TMEM132D: variants seen among roughly 807,000 people sequenced by gnomAD.
TMEM132D encodes the protein mature OL transmembrane protein.
Under a neutral mutation model 62.3 loss-of-function variants are expected in TMEM132D, and 21 were observed. That is an observed-to-expected ratio of 0.34 (90% CI 0.24 to 0.49). The LOEUF (loss-of-function observed/expected upper bound fraction) is 0.49, where lower values mean the gene tolerates loss of function less well. Among genes scored for constraint, TMEM132D ranks in the 20% least tolerant of loss-of-function variants. The pLI is 0.99. For missense variants in TMEM132D, 1,346 were observed against 1,402.8 expected, an observed-to-expected ratio of 0.96 and a Z score of 0.65; for synonymous variants, 621 against 575.6, an observed-to-expected ratio of 1.08 and a Z score of -1.13.
chr12:129,183,480 C>G (rs748539759), intron 5 of TMEM132D, among the ~76,000 whole-genome samples: 2 of 152,236 alleles, frequency 1.3e-5, no homozygotes, highest in Non-Finnish European at 2.9e-5. Flanking sequence ...AGGCGTATTT[C>G]CTTCTTCACG....
chr12:129,592,790 T>C (rs1243341251), intron 2 of TMEM132D, among the ~76,000 whole-genome samples: 2 of 152,222 alleles, frequency 1.3e-5, no homozygotes, highest in African/African-American at 2.4e-5. Context: ...TATAGGTCTA[T>C]GTGTGCAAAA....
intron 3 of TMEM132D, among the ~76,000 whole-genome samples, chr12:129,411,817 AT>A (rs1168016820): frequency 3.3e-5 from 5 of 152,070 alleles, no homozygotes; most frequent in Non-Finnish European, 5.9e-5. Context: ...TTCCACAAAT[AT>A]TTCGAGATCA....
At chr12:129,581,144 G>C (rs1388268062) in intron 2 of TMEM132D, among the ~76,000 whole-genome samples, 1 of 152,148 alleles carries the variant, frequency 6.6e-6, no homozygotes, top group Admixed American at 6.5e-5. Flanking sequence ...TCTAGAGATG[G>C]TTTCTTAGCA....
chr12:129,337,832 C>G lies in TMEM132D; in HGVS notation c.1116-15G>C, dbSNP rs2135658497. 6.3e-7 allele frequency: 1 copy of G among 1,585,600 alleles called. No individual in the cohort carries two copies. The highest frequency in any genetic ancestry group is 8.6e-7 in the Non-Finnish European group (1 of 1,164,140). On this transcript the variant is annotated splice_polypyrimidine_tract_variant and intron_variant, in intron 3 of 8. Coordinates refer to ENST00000422113, the MANE Select transcript of TMEM132D (RefSeq NM_133448.3). ...CGCCATCCGCACTGGAGAGAAGACACAGAGGAGAACAGCTTTCAGGGACTG... is the reference window on the plus strand; with the variant it reads ...CGCCATCCGCACTGGAGAGAAGACAGAGAGGAGAACAGCTTTCAGGGACTG...
At chr12:129,482,339 T>G (rs1227703057) in intron 3 of TMEM132D, among the ~76,000 whole-genome samples, 1 of 152,238 alleles carries the variant, frequency 6.6e-6, no homozygotes, top group Non-Finnish European at 1.5e-5. Flanking sequence ...ATTACAGTGA[T>G]AGAAATCTTT....
chr12:129,682,412 C>T (rs1880799747), intron 2 of TMEM132D, among the ~76,000 whole-genome samples: 1 of 152,102 alleles, frequency 6.6e-6, no homozygotes, highest in Non-Finnish European at 1.5e-5. Flanking sequence ...CGACAGGTGC[C>T]CAGAGCTGCA....
At position 129,903,028 on chromosome 12, in the gene TMEM132D, A is replaced by G. The variant is rs1023502019; in HGVS notation, c.79+233T>C. 6.6e-6 allele frequency among the ~76,000 whole-genome samples: 1 copy of G among 152,138 alleles called. No homozygotes were observed. The highest frequency in any genetic ancestry group is 1.5e-5 in the Non-Finnish European group (1 of 68,014). ...TTTCGGCTCCTTAGTAGTCTCACCT[A>G]AGGCCTCCCACCCAAGTGCTCCAGG... On this transcript the variant is annotated intron_variant, in intron 1 of 8. Transcript: ENST00000422113. The surrounding 1 kb of genome is among the most constrained non-coding windows in gnomAD (Gnocchi z 6.2).
intron 5 of TMEM132D, chr12:129,169,967 A>G (rs1220630741): frequency 6.6e-6 from 1 of 152,208 alleles, no homozygotes; most frequent in African/African-American, 2.4e-5. Flanking sequence ...CAAATGTTCT[A>G]TTTCAACAAG....
intron 4 of TMEM132D, among the ~76,000 whole-genome samples, chr12:129,302,465 A>AT (rs1307285555): frequency 6.6e-6 from 1 of 152,216 alleles, no homozygotes; most frequent in Admixed American, 6.5e-5. Context: ...AGGGCTCTCC[A>AT]TTAGGCAGCC....
At chr12:129,262,091 A>C (rs1880564207) in intron 4 of TMEM132D, among the ~76,000 whole-genome samples, 1 of 152,082 alleles carries the variant, frequency 6.6e-6, no homozygotes, top group Admixed American at 6.6e-5. Flanking sequence ...GAAAATTTGC[A>C]TCCAGAGCCT....
intron 5 of TMEM132D, among the ~76,000 whole-genome samples, chr12:129,115,020 T>C (rs1050519096): frequency 6.6e-6 from 1 of 152,190 alleles, no homozygotes; most frequent in African/African-American, 2.4e-5. Flanking sequence ...CACTTAGGTA[T>C]TTCTGTAGAG....
chr12:129,729,531 C>A lies in TMEM132D; in HGVS notation c.80-28833G>T, dbSNP rs5027413. On this transcript the variant is annotated intron_variant, in intron 1 of 8. Transcript: ENST00000422113. ...CCCTGGTCTAGTCATACTGGAATAC[C>A]TTTTTTTCTTTCTTGCCAAAGATTG... Among the ~76,000 whole-genome samples the A allele has an allele frequency of 3.3e-3, 500 of 152,084 alleles. 3 individuals carry two copies. The highest frequency in any genetic ancestry group is 0.012 in the African/African-American group (484 of 41,478).
rs1366775112 is a variant in TMEM132D, at chr12:129,903,462, G to A, written c.-123C>T. 6.8e-6 allele frequency: 7 copies of A among 1,029,064 alleles called. No individual in the cohort carries two copies. Among genetic ancestry groups the A allele is most frequent in the East Asian group, 2.6e-5 (1 of 38,110 alleles). The allele number at this position is 1,029,064 out of a possible 1,614,324, so 63.7% of individuals were successfully genotyped here. Reference sequence around the variant, plus strand: ...CGAGGGAGCGCCCGGCTAGGGGCCCGAGCAGCCCGGGCGCCCTGCTCCCTC... The same window carrying A: ...CGAGGGAGCGCCCGGCTAGGGGCCCAAGCAGCCCGGGCGCCCTGCTCCCTC... On this transcript the variant is annotated 5_prime_UTR_variant, in exon 1 of 9. Coordinates refer to ENST00000422113, the MANE Select transcript of TMEM132D (RefSeq NM_133448.3). The surrounding 1 kb of genome is among the most constrained non-coding windows in gnomAD (Gnocchi z 6.2).
chr12:129,284,103 T>C (rs1341813743), intron 4 of TMEM132D, among the ~76,000 whole-genome samples: 1 of 151,656 alleles, frequency 6.6e-6, no homozygotes, highest in Non-Finnish European at 1.5e-5. Flanking sequence ...AGCAGCTGGA[T>C]GTGCATATGA....
chr12:129,863,511 G>A (rs1566012362), intron 1 of TMEM132D, among the ~76,000 whole-genome samples: 1 of 152,080 alleles, frequency 6.6e-6, no homozygotes, highest in African/African-American at 2.4e-5. Context: ...ACCTTATAAT[G>A]ATGCTTTTTA....
intron 4 of TMEM132D, among the ~76,000 whole-genome samples, chr12:129,269,212 T>C (rs1288296840): frequency 6.6e-6 from 1 of 152,200 alleles, no homozygotes; most frequent in Admixed American, 6.5e-5. Context: ...CTGATCTCTG[T>C]GTCACTGTTT....
In TMEM132D at chr12:129,553,358, G is replaced by A. The variant is rs554298070; in HGVS notation, c.969-22153C>T. Among the ~76,000 whole-genome samples the A allele has an allele frequency of 1.1e-4, 16 of 152,190 alleles. No homozygotes were observed. In the South Asian group the frequency reaches 2.1e-3, roughly 20 times the overall value. On this transcript the variant is annotated intron_variant, in intron 2 of 8. Transcript: ENST00000422113. The stretch of plus-strand genomic sequence containing the variant: ...TGCCCCCTCACTCTCTGCTCTGTGC[G>A]TGTCTGTGCACTGACAGGTCCATGG...
intron 3 of TMEM132D, among the ~76,000 whole-genome samples, chr12:129,411,343 A>G (rs935177285): frequency 6.6e-6 from 1 of 152,028 alleles, no homozygotes; most frequent in African/African-American, 2.4e-5. Context: ...TTAGTTAGTT[A>G]TCGGTTTAGC....
intron 5 of TMEM132D, among the ~76,000 whole-genome samples, chr12:129,169,730 G>C (rs1226657554): frequency 6.6e-6 from 1 of 152,180 alleles, no homozygotes; most frequent in Non-Finnish European, 1.5e-5. Flanking sequence ...GCACTTAAAT[G>C]AATGAATGAA....
Sources: allele counts gnomAD v4.1 joint callset (sites outside exome capture counted in the v4.1 genomes callset), GRCh38; gene constraint gnomAD v4.1.1; non-coding constraint Gnocchi (gnomAD v3.1); transcripts MANE v1.5; gene names NCBI Gene and HGNC (gene_info 2026-07-23, HGNC 2026-07-21).